Variants in CCDC38 observed in about 807,000 individuals in gnomAD.
CCDC38 encodes the protein coiled-coil domain-containing protein 38.
A neutral mutation model predicts 72.8 loss-of-function variants in CCDC38; 69 were observed. The ratio of observed to expected loss-of-function variants is 0.95; its 90% CI spans 0.78 to 1.16. CCDC38 has a LOEUF of 1.16. CCDC38 is among the 50% of genes most tolerant of loss of function. The pLI, the probability that CCDC38 is intolerant of heterozygous loss-of-function variation, is 0.00. For synonymous variants in CCDC38, 201 were observed against 213.2 expected (o/e 0.94, Z 0.50); for missense variants, 626 against 638.9 (o/e 0.98, Z 0.22).
chr12:95,878,595 C>A (rs926200843), intron 12 of CCDC38, among the ~76,000 whole-genome samples: 1 of 152,110 alleles, frequency 6.6e-6, no homozygotes, highest in Non-Finnish European at 1.5e-5. Flanking sequence ...TTTGTGGTTC[C>A]ATTCGAATTC....
At chr12:95,928,271 C>T (rs1180208340) in intron 2 of CCDC38, among the ~76,000 whole-genome samples, 6 of 152,290 alleles carry the variant, frequency 3.9e-5, no homozygotes, top group African/African-American at 9.6e-5. Context: ...CCTCCCTTCT[C>T]GCTTCATTTC....
intron 13 of CCDC38, among the ~76,000 whole-genome samples, chr12:95,873,435 A>G (rs1299149412): frequency 6.6e-6 from 1 of 152,202 alleles, no homozygotes; most frequent in Non-Finnish European, 1.5e-5. Context: ...TTCGTTGGGA[A>G]GCCATTGCAG....
chr12:95,891,112 A>G (rs994858422), intron 8 of CCDC38, among the ~76,000 whole-genome samples, 182 bp from the exon 9 acceptor site: 2 of 152,250 alleles, frequency 1.3e-5, no homozygotes, highest in Non-Finnish European at 2.9e-5. Flanking sequence ...ATATGCAAAC[A>G]TAATATGCAG....
intron 4 of CCDC38, among the ~76,000 whole-genome samples, chr12:95,913,873 C>T (rs10859981): frequency 0.14 from 21,626 of 151,960 alleles, 1,707 homozygotes; most frequent in South Asian, 0.27. Context: ...TTGAATTCTG[C>T]ACCCACCGAG....
intron 13 of CCDC38, among the ~76,000 whole-genome samples, chr12:95,876,127 C>G (rs186871580): frequency 6.6e-6 from 1 of 152,270 alleles, no homozygotes; most frequent in African/African-American, 2.4e-5. Flanking sequence ...AAAAATAATG[C>G]AGTCCTGATA....
chr12:95,895,702 G>A (rs558831409), intron 7 of CCDC38, among the ~76,000 whole-genome samples: 3 of 143,494 alleles, frequency 2.1e-5, no homozygotes, highest in Non-Finnish European at 4.5e-5. Context: ...GCAGTGGGCC[G>A]AGATCGTGCC....
In CCDC38 at chr12:95,896,336, T is replaced by C. The variant is rs181764964; in HGVS notation, c.615-1190A>G. Among the ~76,000 whole-genome samples the C allele has an allele frequency of 1.2e-4, 19 of 152,254 alleles. No homozygotes were observed. The East Asian group carries it at 2.5e-3, about 20-fold the overall frequency. On this transcript the variant is annotated intron_variant, in intron 7 of 15. Coordinates refer to ENST00000344280, the MANE Select transcript of CCDC38 (RefSeq NM_182496.3). ...CCAAAAGCTTTTGCCCAGCTTCACATTGCGTTATAGTAATTACATTACAAA... is the reference window on the plus strand; with the variant it reads ...CCAAAAGCTTTTGCCCAGCTTCACACTGCGTTATAGTAATTACATTACAAA...
intron 7 of CCDC38, among the ~76,000 whole-genome samples, chr12:95,896,045 G>A (rs2079884643): frequency 8.6e-6 from 1 of 116,226 alleles, no homozygotes; most frequent in Admixed American, 1.1e-4. Flanking sequence ...GACAGAACAA[G>A]ACTCTGTCTC....
chr12:95,892,733 C>T (rs2079842378), intron 8 of CCDC38, among the ~76,000 whole-genome samples: 1 of 151,866 alleles, frequency 6.6e-6, no homozygotes, highest in African/African-American at 2.4e-5. Context: ...CCATGCCTGG[C>T]TAATTTTTGT....
intron 2 of CCDC38, among the ~76,000 whole-genome samples, chr12:95,921,907 T>C (rs747637373): frequency 1.3e-5 from 2 of 152,150 alleles, no homozygotes; most frequent in Non-Finnish European, 2.9e-5. Context: ...ACTAGAATCA[T>C]TTTGGCTCCA....
chr12:95,925,587 AGTG>A (rs1372362512), intron 2 of CCDC38, among the ~76,000 whole-genome samples: 2 of 152,194 alleles, frequency 1.3e-5, no homozygotes, highest in African/African-American at 2.4e-5. Context: ...GTTGAATAGT[AGTG>A]GTGAGAGAGG....
At chr12:95,892,418 G>A (rs1400306502) in intron 8 of CCDC38, among the ~76,000 whole-genome samples, 1 of 150,006 alleles carries the variant, frequency 6.7e-6, no homozygotes, top group African/African-American at 2.5e-5. Flanking sequence ...CCTAGTGGTA[G>A]AACTACAGTT....
chr12:95,901,623 C>T (rs145762615), intron 5 of CCDC38, among the ~76,000 whole-genome samples: 6 of 152,176 alleles, frequency 3.9e-5, no homozygotes, highest in African/African-American at 1.4e-4. Flanking sequence ...CAGCAGTTAG[C>T]AAGGTGGAAG....
intron 8 of CCDC38, among the ~76,000 whole-genome samples, chr12:95,892,278 C>CTT (rs774500212): frequency 0.065 from 4,921 of 75,882 alleles, 364 homozygotes; most frequent in South Asian, 0.17. Flanking sequence ...TTATTACAAT[C>CTT]TTTTTTTTTT....
chr12:95,936,473 C>G lies in CCDC38; in HGVS notation c.37G>C (p.Gly13Arg), dbSNP rs779053700. The G allele has an allele frequency of 1.9e-6, 3 of 1,612,648 alleles. No homozygotes were observed. In the South Asian group the frequency reaches 3.3e-5, roughly 18 times the overall value. Residue 13 changes from glycine (G) to arginine (R), a missense_variant and splice_region_variant, in exon 2 of 16, where the codon GGT (glycine) becomes CGT (arginine). Physicochemically the swap from Gly to Arg is moderately radical, Grantham distance 125. Transcript: ENST00000344280. ...AATATATTGATTGATTTCTTTTTACCTCCAGAATTCAGTGTTGGCAATAAA... is the reference window on the plus strand; with the variant it reads ...AATATATTGATTGATTTCTTTTTACGTCCAGAATTCAGTGTTGGCAATAAA... Reference protein sequence around the residue: ...SNLLPTLNSGGKVKDGSTKED... With the variant: ...SNLLPTLNSGRKVKDGSTKED...
intron 2 of CCDC38, chr12:95,935,232 A>C (rs1040847033): frequency 2.0e-5 from 3 of 152,316 alleles, no homozygotes; most frequent in African/African-American, 2.4e-5. Flanking sequence ...AGCAGATACT[A>C]CTAGTGAACC....
chr12:95,872,452 C>T lies in CCDC38; in HGVS notation c.1287G>A (p.Leu429=). 1.2e-6 allele frequency: 2 copies of T among 1,610,898 alleles called. No individual in the cohort carries two copies. The highest frequency in any genetic ancestry group is 1.7e-6 in the Non-Finnish European group (2 of 1,177,056). ...GEFNSDAQEI[L]IDSLSKKITQ... ...TAATCTTTTTACTAAGTGAGTCTAT[C>T]AGTATTTCCTGAGATTGAGAAGAGC... The change falls in exon 14 of 16, where the codon CTG becomes CTA. Residue 429 remains leucine (L), a synonymous_variant. Transcript: ENST00000344280.
At position 95,886,167 on chromosome 12, in the gene CCDC38, C is replaced by A. The variant is rs570077364; in HGVS notation, c.920+2291G>T. Among the ~76,000 whole-genome samples the A allele has an allele frequency of 7.0e-4, 107 of 152,254 alleles. No individual in the cohort carries two copies. In the Middle Eastern group the frequency reaches 0.01, roughly 15 times the overall value. ...TAGAGAATCCAGAAATAGCCCCCAA[C>A]AAATATGCCTAAGTGATTTTTGACA... On this transcript the variant is annotated intron_variant, in intron 10 of 15. Transcript: ENST00000344280.
intron 4 of CCDC38, among the ~76,000 whole-genome samples, chr12:95,914,330 A>C (rs1297915888): frequency 1.3e-5 from 2 of 152,228 alleles, no homozygotes; most frequent in African/African-American, 4.8e-5. Context: ...TCTCAAAAAC[A>C]AAACAAAACA....
Sources: allele counts gnomAD v4.1 joint callset (sites outside exome capture counted in the v4.1 genomes callset), GRCh38; gene constraint gnomAD v4.1.1; transcripts MANE v1.5; gene names NCBI Gene and HGNC (gene_info 2026-07-23, HGNC 2026-07-21).